Variants in PLEKHA6 observed in about 807,000 individuals in gnomAD.
PLEKHA6 encodes the protein pleckstrin homology domain containing A6.
PLEKHA6 carries 60 observed loss-of-function variants against 116.7 expected under a neutral mutation model. The observed-to-expected ratio is 0.51, with a 90% CI of 0.42 to 0.64. The LOEUF (loss-of-function observed/expected upper bound fraction) is 0.64. Ranked by LOEUF, PLEKHA6 falls within the 30% of genes least tolerant of loss-of-function variation. The probability of loss-of-function intolerance (pLI) is 0.00; values close to 1 mark genes in which losing one functional copy is unlikely to be tolerated. For synonymous variants in PLEKHA6, 489 were observed against 556.1 expected (o/e 0.88, Z 1.70); for missense variants, 1,338 against 1,422.7 (o/e 0.94, Z 0.96).
At chr1:204,279,998 G>A (rs71633505) in intron 1 of PLEKHA6, among the ~76,000 whole-genome samples, 5,150 of 152,146 alleles carry the variant, frequency 0.034, 158 homozygotes, top group Non-Finnish European at 0.046. Flanking sequence ...ATGAAGGAGC[G>A]AAAAAATGAA....
intron 1 of PLEKHA6, chr1:204,309,079 A>G (rs1326673385): frequency 1.0e-6 from 1 of 975,422 alleles, no homozygotes; most frequent in Non-Finnish European, 1.2e-6. Context: ...CTGTCACTCT[A>G]TTAACATCCA....
chr1:204,244,351 C>T (rs1432680123), intron 15 of PLEKHA6, among the ~76,000 whole-genome samples: 2 of 151,294 alleles, frequency 1.3e-5, no homozygotes, highest in African/African-American at 2.4e-5. Context: ...CCATGTTGGC[C>T]GGGACAGTCT....
At chr1:204,231,724 C>T (rs1033220358) in intron 17 of PLEKHA6, among the ~76,000 whole-genome samples, 1 of 151,964 alleles carries the variant, frequency 6.6e-6, no homozygotes, top group Non-Finnish European at 1.5e-5. Flanking sequence ...CATGCCACTG[C>T]ACCTGGCAAA....
intron 1 of PLEKHA6, among the ~76,000 whole-genome samples, chr1:204,298,893 T>A (rs1379295050): frequency 1.3e-5 from 2 of 152,226 alleles, no homozygotes; most frequent in Non-Finnish European, 2.9e-5. Context: ...AGGAAGGAGC[T>A]GCTTTTCCAT....
At chr1:204,320,488 C>T in intron 1 of PLEKHA6, 1 of 983,974 alleles carries the variant, frequency 1.0e-6, no homozygotes, top group Non-Finnish European at 1.2e-6. Flanking sequence ...TCTGAGAAGG[C>T]TTGGTGCCTG....
chr1:204,261,815 A>C lies in PLEKHA6; in HGVS notation c.382-367T>G, dbSNP rs935784529. ...CAAAGGCAATGACCCCATGTCTGGG[A>C]GAGAGGACCCCCTGAGCACATGCCA... On this transcript the variant is annotated intron_variant, in intron 6 of 22. Transcript: ENST00000272203. The surrounding 1 kb of genome is among the most constrained non-coding windows in gnomAD (Gnocchi z 4.0). 5.0e-5 allele frequency: 19 copies of C among 381,742 alleles called. No homozygotes were observed. Among genetic ancestry groups the C allele is most frequent in the African/African-American group, 3.9e-4 (19 of 48,142 alleles). The allele number at this position is 381,742 out of a possible 1,614,324, so 23.6% of individuals were successfully genotyped here.
Position 204,347,173 on chromosome 1 carries a change from G to T in PLEKHA6, c.-95+12521C>A, listed in dbSNP as rs989468802. On this transcript the variant is annotated intron_variant, in intron 1 of 22. Coordinates refer to ENST00000272203, the MANE Select transcript of PLEKHA6 (RefSeq NM_014935.5). Reference sequence around the variant, plus strand: ...ACCTTTCTTATAGACTCGCATATACGTGGCCAAAGGAACAACTCCATGTTT... The same window carrying T: ...ACCTTTCTTATAGACTCGCATATACTTGGCCAAAGGAACAACTCCATGTTT... The T allele has an allele frequency of 1.9e-5, 22 of 1,139,196 alleles. 1 individual carries two copies. The highest frequency in any genetic ancestry group is 3.4e-5 in the Admixed American group (2 of 59,082). 70.6% of individuals were successfully genotyped at this position (1,139,196 alleles called of 1,614,324 possible). A position where few individuals can be genotyped will look rare whatever the true frequency, so the allele number is the denominator to read the frequency against.
intron 1 of PLEKHA6, among the ~76,000 whole-genome samples, chr1:204,281,394 G>T (rs1309192916): frequency 1.3e-5 from 2 of 151,744 alleles, no homozygotes; most frequent in Non-Finnish European, 2.9e-5. Flanking sequence ...GCCTGGTGGC[G>T]GGCACCTGTA....
chr1:204,358,520 C>T (rs922507018), intron 1 of PLEKHA6, among the ~76,000 whole-genome samples: 2 of 152,212 alleles, frequency 1.3e-5, no homozygotes, highest in African/African-American at 2.4e-5. Flanking sequence ...GCAGTGCCCC[C>T]GCACCTGCCC....
chr1:204,263,997 G>A (rs1558097413), intron 6 of PLEKHA6, among the ~76,000 whole-genome samples: 1 of 152,134 alleles, frequency 6.6e-6, no homozygotes, highest in Non-Finnish European at 1.5e-5. Context: ...ACTGGAGCCT[G>A]AAGGACAGGA....
chr1:204,221,957 C>CTCCCTCCT lies in PLEKHA6; in HGVS notation c.*823_*830dup, dbSNP rs1353284519. ...AACCAATCTGATATCCCCTTTCCAT[C>CTCCCTCCT]TCCCTCCTTCCTGCTTGACTTGCCA... is the stretch of plus-strand genomic sequence containing the variant. On this transcript the variant is annotated 3_prime_UTR_variant, in exon 23 of 23. Transcript: ENST00000272203. The CTCCCTCCT allele has an allele frequency of 3.3e-5, 5 of 152,306 alleles. No individual in the cohort carries two copies. The highest frequency in any genetic ancestry group is 1.2e-4 in the African/African-American group (5 of 41,190). The allele number at this position is 152,306 out of a possible 1,614,324, so 9.4% of individuals were successfully genotyped here. A position where few individuals can be genotyped will look rare whatever the true frequency, so the allele number is the denominator to read the frequency against.
chr1:204,327,446 C>A (rs941691300), intron 1 of PLEKHA6, among the ~76,000 whole-genome samples: 2 of 152,232 alleles, frequency 1.3e-5, no homozygotes, highest in African/African-American at 4.8e-5. Context: ...GGCAAGTGAG[C>A]CTTGATGCCG....
intron 1 of PLEKHA6, chr1:204,317,249 T>C (rs750839589): frequency 1.3e-4 from 131 of 972,076 alleles, no homozygotes; most frequent in Middle Eastern, 5.2e-4. Flanking sequence ...CAGGGACAGC[T>C]AGCAGCCCTG....
chr1:204,236,496 C>T (rs1177822957), intron 17 of PLEKHA6, among the ~76,000 whole-genome samples: 9 of 152,142 alleles, frequency 5.9e-5, no homozygotes, highest in Admixed American at 5.9e-4. Context: ...CCTGTAATTG[C>T]TCTTCTCTGC....
chr1:204,244,352 G>A (rs529897893), intron 15 of PLEKHA6, among the ~76,000 whole-genome samples: 14 of 151,208 alleles, frequency 9.3e-5, no homozygotes, highest in South Asian at 6.3e-4. Context: ...CATGTTGGCC[G>A]GGACAGTCTC....
intron 1 of PLEKHA6, among the ~76,000 whole-genome samples, chr1:204,303,860 T>C (rs1367911524): frequency 6.6e-6 from 1 of 152,068 alleles, no homozygotes; most frequent in Non-Finnish European, 1.5e-5. Flanking sequence ...ACTGTAGGCG[T>C]GTGTCACCAT....
intron 18 of PLEKHA6, among the ~76,000 whole-genome samples, 157 bp downstream of exon 18, chr1:204,230,256 G>A (rs1277480650): frequency 6.6e-6 from 1 of 152,228 alleles, no homozygotes; most frequent in Non-Finnish European, 1.5e-5. Context: ...TTCTGCCGAT[G>A]GGGGAGAGGA....
chr1:204,371,234 C>T (rs1291316594), intron 2 of PLEKHA6, among the ~76,000 whole-genome samples: 1 of 152,060 alleles, frequency 6.6e-6, no homozygotes, highest in Non-Finnish European at 1.5e-5. Context: ...GTTCAAGAGC[C>T]CTTGAGACAG....
chr1:204,348,832 C>T lies in PLEKHA6; in HGVS notation c.-95+10862G>A, dbSNP rs147409574. 1.1e-4 allele frequency among the ~76,000 whole-genome samples: 17 copies of T among 151,682 alleles called. No homozygotes were observed. The East Asian group carries it at 2.0e-3, about 17-fold the overall frequency. ...CAGATGGGAGATAGACAATGAGAAACGGGCTTCTCTGGGGACTGGTTTAAG... is the reference window on the plus strand; with the variant it reads ...CAGATGGGAGATAGACAATGAGAAATGGGCTTCTCTGGGGACTGGTTTAAG... On this transcript the variant is annotated intron_variant, in intron 1 of 22. Transcript: ENST00000272203.
Sources: gnomAD v4.1 joint callset for allele counts (sites outside exome capture counted in the v4.1 genomes callset) on GRCh38, gnomAD v4.1.1 for gene constraint, Gnocchi (gnomAD v3.1) non-coding constraint, MANE v1.5 for transcripts, NCBI Gene and HGNC (gene_info 2026-07-23, HGNC 2026-07-21) for gene names.